The following TLK1 variants were observed in gnomAD, a reference collection of about 807,000 sequenced individuals.
The protein encoded by TLK1 is serine/threonine-protein kinase tousled-like 1.
A neutral mutation model predicts 105.3 loss-of-function variants in TLK1; 24 were observed. The observed-to-expected ratio is 0.23, with a 90% CI of 0.17 to 0.32. TLK1 has a LOEUF of 0.32. Ranked by LOEUF, TLK1 falls within the 10% of genes least tolerant of loss-of-function variation. The probability of loss-of-function intolerance (pLI) is 1.00; values close to 1 mark genes in which losing one functional copy is unlikely to be tolerated. For synonymous variants in TLK1, 321 were observed against 310.4 expected (o/e 1.03, Z -0.36); for missense variants, 558 against 910.5 (o/e 0.61, Z 4.98).
chr2:171,097,240 T>C (rs1433502619), intron 2 of TLK1, among the ~76,000 whole-genome samples: 4 of 152,210 alleles, frequency 2.6e-5, no homozygotes, highest in African/African-American at 9.6e-5. Context: ...GGATAGTTTC[T>C]TCAATAAATG....
intron 1 of TLK1, among the ~76,000 whole-genome samples, chr2:171,151,468 A>G (rs1692032034): frequency 7.0e-6 from 1 of 142,974 alleles, no homozygotes; most frequent in Non-Finnish European, 1.5e-5. Context: ...AAATATGTGT[A>G]TCTTTTTTTT....
At chr2:171,132,600 A>T (rs915483772) in intron 1 of TLK1, among the ~76,000 whole-genome samples, 5 of 152,272 alleles carry the variant, frequency 3.3e-5, no homozygotes, top group Non-Finnish European at 7.3e-5. Context: ...TAAGATAATT[A>T]AAAGCCTAAA....
chr2:171,008,682 G>A (rs1684758185), intron 14 of TLK1, among the ~76,000 whole-genome samples: 1 of 152,046 alleles, frequency 6.6e-6, no homozygotes, highest in South Asian at 2.1e-4. Context: ...TCTGCTTTTT[G>A]TCTAGTTGTT....
chr2:171,185,640 T>A (rs1693012436), intron 1 of TLK1, among the ~76,000 whole-genome samples: 1 of 152,330 alleles, frequency 6.6e-6, no homozygotes, highest in East Asian at 1.9e-4. Flanking sequence ...AAGCACCAAC[T>A]TCCTGCGGCA....
chr2:171,071,499 A>G (rs932885777), intron 3 of TLK1, among the ~76,000 whole-genome samples: 3 of 151,982 alleles, frequency 2.0e-5, no homozygotes, highest in African/African-American at 7.2e-5. Flanking sequence ...GTGTTAGCCA[A>G]GATGGTCTCC....
At chr2:171,124,988 C>T (rs961706102) in intron 1 of TLK1, among the ~76,000 whole-genome samples, 1 of 152,206 alleles carries the variant, frequency 6.6e-6, no homozygotes, top group Non-Finnish European at 1.5e-5. Flanking sequence ...AGTGATGTTG[C>T]TTCAAATGTC....
chr2:171,055,448 TA>T (rs967917133), intron 6 of TLK1, among the ~76,000 whole-genome samples: 2 of 151,890 alleles, frequency 1.3e-5, no homozygotes, highest in African/African-American at 4.8e-5. Context: ...AAAGAAATCT[TA>T]ATGCTTTCAT....
At position 171,200,663 on chromosome 2, in the gene TLK1, T is replaced by C. The variant is rs186063023; in HGVS notation, c.-6+30482A>G. Among the ~76,000 whole-genome samples the C allele has an allele frequency of 1.9e-3, 292 of 152,278 alleles. 1 individual carries two copies. Among genetic ancestry groups the C allele is most frequent in the African/African-American group, 6.8e-3 (283 of 41,536 alleles). Reference sequence around the variant, plus strand: ...AGTTCAAGGCTATAGTGTGCCATGATAGTACTTGTGAATAGCACTACACTG... The same window carrying C: ...AGTTCAAGGCTATAGTGTGCCATGACAGTACTTGTGAATAGCACTACACTG... On this transcript the variant is annotated intron_variant, in intron 1 of 20. Coordinates refer to the TLK1 transcript ENST00000521943.
chr2:171,049,792 T>A, intron 10 of TLK1, 22 bp downstream of exon 10: 2 of 1,611,588 alleles, frequency 1.2e-6, no homozygotes, highest in South Asian at 2.2e-5. Context: ...CTAAAAACTT[T>A]TAAATGTTAA....
At chr2:171,001,098 G>A (rs1335575430) in intron 18 of TLK1, among the ~76,000 whole-genome samples, 1 of 152,132 alleles carries the variant, frequency 6.6e-6, no homozygotes, top group African/African-American at 2.4e-5. Flanking sequence ...GCAACAACTG[G>A]ACACGGTTTT....
intron 18 of TLK1, among the ~76,000 whole-genome samples, chr2:171,001,862 C>A (rs1056770814): frequency 6.6e-6 from 1 of 151,818 alleles, no homozygotes; most frequent in Admixed American, 6.6e-5. Flanking sequence ...CTCACTGCAA[C>A]CTCTGCCTAC....
At chr2:171,056,380 G>T in intron 6 of TLK1, 91 bp downstream of exon 6, 1 of 949,600 alleles carries the variant, frequency 1.1e-6, no homozygotes, top group East Asian at 2.6e-5. Flanking sequence ...TTATATAGAA[G>T]TTCTCAATAA....
At chr2:171,186,331 C>T (rs1002158499) in intron 1 of TLK1, among the ~76,000 whole-genome samples, 1 of 152,208 alleles carries the variant, frequency 6.6e-6, no homozygotes, top group Non-Finnish European at 1.5e-5. Flanking sequence ...GGAAGCGACA[C>T]ATTTAAGAAT....
intron 1 of TLK1, among the ~76,000 whole-genome samples, chr2:171,192,953 T>C (rs1330086879): frequency 6.6e-6 from 1 of 152,262 alleles, no homozygotes; most frequent in Non-Finnish European, 1.5e-5. Flanking sequence ...ATTAGCTGCC[T>C]AATAGATCAA....
At chr2:171,044,329 C>G (rs182095022) in intron 11 of TLK1, among the ~76,000 whole-genome samples, 8 of 152,246 alleles carry the variant, frequency 5.3e-5, no homozygotes, top group Admixed American at 2.6e-4. Context: ...AGAATTCTTA[C>G]ATGTGAGAGG....
At chr2:171,080,907 C>T (rs2105475240) in intron 3 of TLK1, among the ~76,000 whole-genome samples, 1 of 152,062 alleles carries the variant, frequency 6.6e-6, no homozygotes, top group East Asian at 1.9e-4. Flanking sequence ...TGGGGCTTTG[C>T]CATGTTGCCC....
At chr2:171,045,620 G>A (rs10803855) in intron 11 of TLK1, 88,451 of 151,940 alleles carry the variant, frequency 0.58, 27,961 homozygotes, top group East Asian at 0.95. Flanking sequence ...GGTGTTCTCT[G>A]TGAAATGGGA....
At chr2:171,016,571 C>T (rs757285799) in intron 12 of TLK1, among the ~76,000 whole-genome samples, 2 of 152,174 alleles carry the variant, frequency 1.3e-5, no homozygotes, top group Non-Finnish European at 2.9e-5. Context: ...ATTTCATCAG[C>T]TCCTTTGCTT....
intron 3 of TLK1, among the ~76,000 whole-genome samples, chr2:171,075,521 G>A (rs577193828): frequency 1.3e-5 from 2 of 152,086 alleles, no homozygotes; most frequent in African/African-American, 4.8e-5. Flanking sequence ...GGATTAAATT[G>A]AGAAAAACAG....
Sources: allele counts gnomAD v4.1 joint callset (sites outside exome capture counted in the v4.1 genomes callset), GRCh38; gene constraint gnomAD v4.1.1; transcripts MANE v1.5; gene names NCBI Gene and HGNC (gene_info 2026-07-23, HGNC 2026-07-21).